The following KCNIP4 variants were observed in gnomAD, a reference collection of about 807,000 sequenced individuals.
KCNIP4 encodes the protein Kv channel-interacting protein 4.
In KCNIP4, 12 loss-of-function variants were observed where a neutral mutation model predicts 34.0. The ratio of observed to expected loss-of-function variants is 0.35; its 90% CI spans 0.23 to 0.57. The LOEUF (loss-of-function observed/expected upper bound fraction) is 0.57. Ranked by LOEUF, KCNIP4 falls within the 20% of genes least tolerant of loss-of-function variation. The pLI, the probability that KCNIP4 is intolerant of heterozygous loss-of-function variation, is 0.83. For synonymous variants in KCNIP4, 124 were observed against 102.2 expected (o/e 1.21, Z -1.29); for missense variants, 238 against 311.7 (o/e 0.76, Z 1.78).
rs147382639 is a variant in KCNIP4 at position 21,060,292 on chromosome 4, T to A, written c.62-177583A>T. Among the ~76,000 whole-genome samples the A allele has an allele frequency of 4.6e-3, 694 of 152,268 alleles. 6 individuals are homozygous for A. Among genetic ancestry groups the A allele is most frequent in the African/African-American group, 0.016 (662 of 41,558 alleles). ...AAAAATTAATTAAATGCATAATATA[T>A]ATTAGCTGAATAATAGACTGAGTTG... On this transcript the variant is annotated intron_variant, in intron 1 of 8. Coordinates refer to ENST00000382152, the MANE Select transcript of KCNIP4 (RefSeq NM_025221.6).
chr4:20,782,954 G>T (rs1756997561), intron 3 of KCNIP4, among the ~76,000 whole-genome samples: 1 of 152,150 alleles, frequency 6.6e-6, no homozygotes, highest in African/African-American at 2.4e-5. Flanking sequence ...CCTCTTGAAT[G>T]CATTGCTTCT....
intron 1 of KCNIP4, among the ~76,000 whole-genome samples, chr4:21,651,535 C>T (rs1359580846): frequency 1.3e-5 from 2 of 152,182 alleles, no homozygotes; most frequent in Non-Finnish European, 2.9e-5. Context: ...GCACAGTGAC[C>T]TTGTGTGCAA....
rs114298140 is a variant in KCNIP4, at chr4:21,261,533, A to T, written c.62-378824T>A. On this transcript the variant is annotated intron_variant, in intron 1 of 8. Coordinates refer to ENST00000382152, the MANE Select transcript of KCNIP4 (RefSeq NM_025221.6). ...ATCCTAGATTCAACACAGCATTGAA[A>T]GCTGGCATGAAGATTATTTATTAAC... 9.1e-3 allele frequency among the ~76,000 whole-genome samples: 1,386 copies of T among 152,280 alleles called. 9 individuals carry two copies. Among genetic ancestry groups the T allele is most frequent in the Admixed American group, 0.015 (223 of 15,290 alleles).
chr4:21,329,773 G>A (rs1715437057), intron 1 of KCNIP4, among the ~76,000 whole-genome samples: 2 of 152,180 alleles, frequency 1.3e-5, no homozygotes, highest in Non-Finnish European at 2.9e-5. Flanking sequence ...TACCATGCAG[G>A]TAGAAAGATT....
chr4:21,014,332 T>C (rs1739317783), intron 1 of KCNIP4, among the ~76,000 whole-genome samples: 1 of 152,180 alleles, frequency 6.6e-6, no homozygotes, highest in East Asian at 1.9e-4. Context: ...CTCTGTCAAG[T>C]CCTTTTCACA....
At position 21,743,332 on chromosome 4, in the gene KCNIP4, T is replaced by C. The variant is rs140558608; in HGVS notation, c.61+205239A>G. Among the ~76,000 whole-genome samples the C allele has an allele frequency of 3.8e-3, 572 of 152,124 alleles. 2 individuals are homozygous for C. Among genetic ancestry groups the C allele is most frequent in the Non-Finnish European group, 6.8e-3 (460 of 67,996 alleles). ...ACATTCCTTGGCTCATGGCCCCTGTTCATCCTCAAAACCAGCAATGTCTGG... is the reference window on the plus strand; with the variant it reads ...ACATTCCTTGGCTCATGGCCCCTGTCCATCCTCAAAACCAGCAATGTCTGG... On this transcript the variant is annotated intron_variant, in intron 1 of 8. Transcript: ENST00000382152.
At chr4:21,729,587 A>T (rs886744872) in intron 1 of KCNIP4, among the ~76,000 whole-genome samples, 37 of 55,532 alleles carry the variant, frequency 6.7e-4, no homozygotes, top group Non-Finnish European at 6.3e-4. Context: ...TGCATGAAAT[A>T]AATTAGTAAT....
rs144944412 is a variant in KCNIP4 at position 21,096,233 on chromosome 4, C to T, written c.62-213524G>A. On this transcript the variant is annotated intron_variant, in intron 1 of 8. Coordinates refer to ENST00000382152, the MANE Select transcript of KCNIP4 (RefSeq NM_025221.6). ...CACTTGATTCACTGCCAAGCTCATCCCATACCCTCATTTGTTAGAGCCACT... is the reference window on the plus strand; with the variant it reads ...CACTTGATTCACTGCCAAGCTCATCTCATACCCTCATTTGTTAGAGCCACT... 8.6e-4 allele frequency among the ~76,000 whole-genome samples: 131 copies of T among 152,210 alleles called. 1 individual carries two copies. The highest frequency in any genetic ancestry group is 2.9e-3 in the African/African-American group (122 of 41,552).
chr4:20,791,985 A>C (rs184661549), intron 3 of KCNIP4, among the ~76,000 whole-genome samples: 1 of 152,338 alleles, frequency 6.6e-6, no homozygotes, highest in East Asian at 1.9e-4. Context: ...CCTCACAGAC[A>C]TGTAAATCAG....
At chr4:20,974,458 A>C (rs1735287156) in intron 1 of KCNIP4, among the ~76,000 whole-genome samples, 1 of 152,160 alleles carries the variant, frequency 6.6e-6, no homozygotes, top group Admixed American at 6.5e-5. Flanking sequence ...TGGCACTTGT[A>C]TAGGAGAAGG....
At chr4:20,776,011 G>T (rs893890363) in intron 3 of KCNIP4, among the ~76,000 whole-genome samples, 1 of 151,990 alleles carries the variant, frequency 6.6e-6, no homozygotes, top group East Asian at 1.9e-4. Context: ...TCTGATAAAG[G>T]TCCAGAAATT....
chr4:21,443,035 A>G (rs1047238189), intron 1 of KCNIP4, among the ~76,000 whole-genome samples: 2 of 152,042 alleles, frequency 1.3e-5, no homozygotes, highest in African/African-American at 4.8e-5. Flanking sequence ...TTCTCTCACA[A>G]CCCATATCCA....
chr4:20,902,639 C>A (rs762833045), intron 1 of KCNIP4, among the ~76,000 whole-genome samples: 35 of 152,276 alleles, frequency 2.3e-4, no homozygotes, highest in Non-Finnish European at 4.6e-4. Flanking sequence ...CTTGCCCCAG[C>A]CTCCCAAGTA....
At chr4:20,739,715 A>G (rs1376879498) in intron 5 of KCNIP4, among the ~76,000 whole-genome samples, 8 of 152,178 alleles carry the variant, frequency 5.3e-5, no homozygotes, top group African/African-American at 1.7e-4. Flanking sequence ...CTCGCCAGCA[A>G]TGGAACAAAG....
intron 1 of KCNIP4, among the ~76,000 whole-genome samples, chr4:20,990,318 C>T (rs1209582536): frequency 6.6e-6 from 1 of 152,208 alleles, no homozygotes; most frequent in Non-Finnish European, 1.5e-5. Flanking sequence ...CATGATCAGA[C>T]TCAAGCAGTT....
chr4:21,748,225 G>A (rs901033216), intron 1 of KCNIP4, among the ~76,000 whole-genome samples: 1 of 152,214 alleles, frequency 6.6e-6, no homozygotes, highest in East Asian at 1.9e-4. Context: ...GCAGAAGGGT[G>A]TGGTGGAAAC....
intron 1 of KCNIP4, among the ~76,000 whole-genome samples, chr4:21,205,730 C>T (rs554154089): frequency 4.7e-4 from 72 of 152,346 alleles, no homozygotes; most frequent in African/African-American, 1.7e-3. Context: ...GACTCAGCAA[C>T]TTGCCTGAGG....
intron 1 of KCNIP4, among the ~76,000 whole-genome samples, chr4:21,499,020 T>C (rs1298587147): frequency 6.6e-6 from 1 of 152,082 alleles, no homozygotes; most frequent in African/African-American, 2.4e-5. Flanking sequence ...ACTGGTCCCA[T>C]TGGGAACTAG....
chr4:21,327,305 T>C (rs1212010289), intron 1 of KCNIP4, among the ~76,000 whole-genome samples: 1 of 152,160 alleles, frequency 6.6e-6, no homozygotes, highest in African/African-American at 2.4e-5. Context: ...ATGATTGAAA[T>C]GTATTTTCAC....
Sources: allele counts gnomAD v4.1 joint callset (sites outside exome capture counted in the v4.1 genomes callset), GRCh38; gene constraint gnomAD v4.1.1; transcripts MANE v1.5; gene names NCBI Gene and HGNC (gene_info 2026-07-23, HGNC 2026-07-21).